Variants in ADAM23 observed in about 807,000 individuals in gnomAD.
ADAM23 encodes disintegrin and metalloproteinase domain-containing protein 23.
A neutral mutation model predicts 120.1 loss-of-function variants in ADAM23; 33 were observed. The ratio of observed to expected loss-of-function variants is 0.27; its 90% CI spans 0.21 to 0.37. The LOEUF is 0.37. Ranked by LOEUF, ADAM23 falls within the 10% of genes least tolerant of loss-of-function variation. The probability of loss-of-function intolerance (pLI) is 1.00; values close to 1 mark genes in which losing one functional copy is unlikely to be tolerated. For missense variants in ADAM23, 862 were observed against 1,058.2 expected, an observed-to-expected ratio of 0.81 and a Z score of 2.57; for synonymous variants, 367 against 375.2, an observed-to-expected ratio of 0.98 and a Z score of 0.25.
In ADAM23 at chr2:206,530,745, C is replaced by T. The variant is rs559304127; in HGVS notation, c.510-140C>T. ...GATACTGTGTGAAACTCGATGATAA[C>T]CTGTTTTTGTTTCTGTACTAACCAT... is the stretch of plus-strand genomic sequence containing the variant. On this transcript the variant is annotated intron_variant, in intron 3 of 25. Transcript: ENST00000264377. 28 of 197,188 alleles carry T rather than the reference C, an allele frequency of 1.4e-4. No individual in the cohort carries two copies. In the South Asian group the frequency reaches 1.7e-3, roughly 12 times the overall value. 12.2% of individuals were successfully genotyped at this position (197,188 alleles called of 1,614,324 possible).
intron 2 of ADAM23, among the ~76,000 whole-genome samples, chr2:206,454,913 G>A (rs1574476158): frequency 6.6e-6 from 1 of 152,206 alleles, no homozygotes; most frequent in Non-Finnish European, 1.5e-5. Flanking sequence ...GCTTTCATGG[G>A]CTGGCATTGA....
At chr2:206,510,780 T>C (rs1199796052) in intron 3 of ADAM23, among the ~76,000 whole-genome samples, 2 of 152,206 alleles carry the variant, frequency 1.3e-5, no homozygotes, top group Non-Finnish European at 2.9e-5. Context: ...GCTCAGTGAG[T>C]GTGAGGCCAC....
At chr2:206,597,064 C>T (rs993037089) in intron 24 of ADAM23, among the ~76,000 whole-genome samples, 5 of 151,620 alleles carry the variant, frequency 3.3e-5, no homozygotes, top group Non-Finnish European at 7.4e-5. Context: ...CAAGGTGTCA[C>T]TATGTTGTCC....
At position 206,550,101 on chromosome 2, in the gene ADAM23, C is replaced by G. The variant is rs1449019336; in HGVS notation, c.874C>G (p.Arg292Gly). The G allele has an allele frequency of 1.9e-6, 3 of 1,567,870 alleles. No homozygotes were observed. The highest frequency in any genetic ancestry group is 2.3e-5 in the South Asian group (2 of 88,720). ...KRRKRAVNPS[R>G]GIFEEMKYLE... ...ATATTTTTATTTTCCGTAGCCATCA[C>G]GTGGTATATTTGAAGAAATGAAATA... The change falls in exon 9 of 26, where the codon CGT (arginine) becomes GGT (glycine). Residue 292 changes from arginine to glycine, a missense_variant. Arg to Gly is a moderately radical substitution (Grantham distance 125). Transcript: ENST00000264377.
At chr2:206,499,386 C>T (rs934680039) in intron 3 of ADAM23, among the ~76,000 whole-genome samples, 5 of 148,966 alleles carry the variant, frequency 3.4e-5, no homozygotes, top group African/African-American at 5.0e-5. Context: ...AGCAAACTAT[C>T]GCAAGGACAA....
At chr2:206,540,432 T>C (rs1457741487) in intron 4 of ADAM23, among the ~76,000 whole-genome samples, 3 of 152,152 alleles carry the variant, frequency 2.0e-5, no homozygotes, top group Admixed American at 1.3e-4. Flanking sequence ...TTGGGAAATA[T>C]GTAGGAGTTC....
chr2:206,495,370 T>A (rs1696221305), intron 3 of ADAM23, among the ~76,000 whole-genome samples: 1 of 152,176 alleles, frequency 6.6e-6, no homozygotes, highest in Non-Finnish European at 1.5e-5. Context: ...AAAAGAATTT[T>A]CAACCCAGAA....
At chr2:206,570,606 G>A (rs1383841855) in intron 15 of ADAM23, 134 bp from the exon 16 acceptor site, 5 of 641,048 alleles carry the variant, frequency 7.8e-6, no homozygotes, top group African/African-American at 7.3e-5. Flanking sequence ...TCATTTATAA[G>A]ATGCCACAAC....
chr2:206,598,211 AT>A (rs907344385), intron 24 of ADAM23, among the ~76,000 whole-genome samples: 8 of 150,688 alleles, frequency 5.3e-5, no homozygotes, highest in African/African-American at 1.2e-4. Context: ...TGTTTCTGTG[AT>A]TTTTTTTTTA....
rs1030690791 is a variant in ADAM23 at position 206,609,849 on chromosome 2, C to T, written c.2360-61C>T. The T allele has an allele frequency of 5.0e-6, 7 of 1,406,934 alleles. No homozygotes were observed. The African/African-American group carries it at 5.8e-5, about 12-fold the overall frequency. The allele number at this position is 1,406,934 out of a possible 1,614,324, so 87.2% of individuals were successfully genotyped here. On this transcript the variant is annotated intron_variant, in intron 24 of 25. Coordinates refer to ENST00000264377, the MANE Select transcript of ADAM23 (RefSeq NM_003812.4). The stretch of plus-strand genomic sequence containing the variant: ...TTCCTGAAACTGCTTAACTGCCTTT[C>T]CCTTGTGGTAACGAAAGTGGTTGGT...
intron 25 of ADAM23, among the ~76,000 whole-genome samples, chr2:206,617,257 G>GAA (rs1187104759): frequency 2.0e-5 from 3 of 152,120 alleles, no homozygotes; most frequent in Non-Finnish European, 4.4e-5. Context: ...TTCACCTAAT[G>GAA]AATTAGCAGT....
intron 7 of ADAM23, 147 bp from the exon 8 acceptor site, chr2:206,548,134 A>T: frequency 1.6e-6 from 1 of 641,334 alleles, no homozygotes; most frequent in Non-Finnish European, 2.7e-6. Context: ...TGGTCATGAG[A>T]GTGTGAAATA....
At chr2:206,499,590 G>A (rs1184188616) in intron 3 of ADAM23, among the ~76,000 whole-genome samples, 1 of 151,752 alleles carries the variant, frequency 6.6e-6, no homozygotes. Context: ...GTATACATAT[G>A]TAACAAACCT....
At chr2:206,450,173 G>T (rs541117074) in intron 2 of ADAM23, among the ~76,000 whole-genome samples, 1 of 152,070 alleles carries the variant, frequency 6.6e-6, no homozygotes, top group Non-Finnish European at 1.5e-5. Flanking sequence ...TACAATTCTG[G>T]AACATAAATT....
intron 10 of ADAM23, 130 bp from the exon 11 acceptor site, chr2:206,559,825 A>G (rs1383926770): frequency 1.4e-5 from 10 of 709,018 alleles, no homozygotes; most frequent in African/African-American, 1.1e-4. Context: ...AAGATTCTCT[A>G]TAATGGGCTA....
intron 9 of ADAM23, among the ~76,000 whole-genome samples, chr2:206,555,474 A>G (rs1485455830): frequency 6.6e-6 from 1 of 152,144 alleles, no homozygotes; most frequent in Non-Finnish European, 1.5e-5. Flanking sequence ...GGACTATTGC[A>G]GTAGCTTCCC....
intron 3 of ADAM23, among the ~76,000 whole-genome samples, chr2:206,502,400 A>G (rs1273088494): frequency 6.6e-6 from 1 of 152,072 alleles, no homozygotes; most frequent in Non-Finnish European, 1.5e-5. Flanking sequence ...TTGGTTTGTA[A>G]TTATGACATT....
At chr2:206,501,665 A>G (rs1162133700) in intron 3 of ADAM23, among the ~76,000 whole-genome samples, 4 of 152,114 alleles carry the variant, frequency 2.6e-5, no homozygotes, top group Non-Finnish European at 4.4e-5. Flanking sequence ...GTCCAGTGCT[A>G]TTAAACAGCA....
intron 24 of ADAM23, among the ~76,000 whole-genome samples, chr2:206,597,114 C>G (rs1698542672): frequency 6.7e-6 from 1 of 149,530 alleles, no homozygotes; most frequent in African/African-American, 2.5e-5. Context: ...GATCCTCCCG[C>G]CTTGGCCTCT....
Sources: gnomAD v4.1 joint callset for allele counts (sites outside exome capture counted in the v4.1 genomes callset) on GRCh38, gnomAD v4.1.1 for gene constraint, MANE v1.5 for transcripts, NCBI Gene and HGNC (gene_info 2026-07-23, HGNC 2026-07-21) for gene names.